Variants in BAIAP2L1 observed in about 807,000 individuals in gnomAD.
The protein encoded by BAIAP2L1 is BAR/IMD domain-containing adapter protein 2-like 1.
BAIAP2L1 carries 35 observed loss-of-function variants against 66.3 expected under a neutral mutation model. The observed-to-expected ratio is 0.53, with a 90% CI of 0.40 to 0.70. The LOEUF (loss-of-function observed/expected upper bound fraction) is 0.70. Ranked by LOEUF, BAIAP2L1 falls within the 30% of genes least tolerant of loss-of-function variation. The pLI is 0.00. For synonymous variants in BAIAP2L1, 269 were observed against 248.7 expected (o/e 1.08, Z -0.77); for missense variants, 622 against 656.9 (o/e 0.95, Z 0.58).
At chr7:98,295,250 G>A (rs376325253) in intron 12 of BAIAP2L1, among the ~76,000 whole-genome samples, 6 of 152,184 alleles carry the variant, frequency 3.9e-5, no homozygotes, top group South Asian at 2.1e-4. Context: ...CTGTGGAGAC[G>A]GAAGGCAGTT....
chr7:98,383,151 A>G (rs973993767), intron 1 of BAIAP2L1, among the ~76,000 whole-genome samples: 2 of 151,928 alleles, frequency 1.3e-5, no homozygotes, highest in African/African-American at 2.4e-5. Context: ...CAAGAGACCA[A>G]GACTCTGTCT....
At chr7:98,308,041 G>T in intron 9 of BAIAP2L1, 145 bp from the exon 10 acceptor site, 1 of 806,784 alleles carries the variant, frequency 1.2e-6, no homozygotes, top group Non-Finnish European at 2.1e-6. Flanking sequence ...CTATTTCCTC[G>T]CTTTGATCAT....
Position 98,292,635 on chromosome 7 carries a change from C to T in BAIAP2L1, c.*886G>A, listed in dbSNP as rs1340126308. ...GCTAGGCTGAAAAACCCGCCCTTCT[C>T]CAGGCACCAGAGGTCATCCTGGCTT... On this transcript the variant is annotated 3_prime_UTR_variant, in exon 14 of 14. Coordinates refer to ENST00000005260, the MANE Select transcript of BAIAP2L1 (RefSeq NM_018842.5). 3 of 1,551,646 alleles carry T rather than the reference C, an allele frequency of 1.9e-6. No homozygotes were observed. Among genetic ancestry groups the T allele is most frequent in the Non-Finnish European group, 1.7e-6 (2 of 1,146,986 alleles).
intron 3 of BAIAP2L1, among the ~76,000 whole-genome samples, chr7:98,346,547 C>A (rs796415055): frequency 1.3e-5 from 2 of 152,064 alleles, no homozygotes; most frequent in South Asian, 2.1e-4. Flanking sequence ...ATGCAGAGGT[C>A]CTAGAATATC....
rs186293275 is a variant in BAIAP2L1 at position 98,380,633 on chromosome 7, A to G, written c.52-18201T>C. On this transcript the variant is annotated intron_variant, in intron 1 of 13. Coordinates refer to ENST00000005260, the MANE Select transcript of BAIAP2L1 (RefSeq NM_018842.5). The stretch of plus-strand genomic sequence containing the variant: ...TCGGGTGGGGACACAGAGCCAAACC[A>G]TATCACCCAGGCTGGTTTCAGACTC... 2.1e-3 allele frequency among the ~76,000 whole-genome samples: 316 copies of G among 150,688 alleles called. 2 individuals carry two copies. Among genetic ancestry groups the G allele is most frequent in the Non-Finnish European group, 3.9e-3 (266 of 67,684 alleles).
intron 1 of BAIAP2L1, among the ~76,000 whole-genome samples, chr7:98,367,107 G>A (rs1802404539): frequency 6.6e-6 from 1 of 150,908 alleles, no homozygotes; most frequent in African/African-American, 2.4e-5. Flanking sequence ...TGTCCAGGCT[G>A]GTCTGTCCAC....
In BAIAP2L1 at chr7:98,306,844, C is replaced by T. The variant is rs1254290711; in HGVS notation, c.1164-328G>A. 9.4e-5 allele frequency: 31 copies of T among 329,296 alleles called. 1 individual carries two copies. Among genetic ancestry groups the T allele is most frequent in the Non-Finnish European group, 1.4e-4 (24 of 173,792 alleles). 20.4% of individuals were successfully genotyped at this position (329,296 alleles called of 1,614,324 possible). On this transcript the variant is annotated intron_variant, in intron 10 of 13. Coordinates refer to ENST00000005260, the MANE Select transcript of BAIAP2L1 (RefSeq NM_018842.5). ...TGCCTCAGCATCCGAGTAGCTGTGA[C>T]TAGAAGTGTGCACCACCATGCCTAG...
chr7:98,335,536 C>T (rs1801599507), intron 3 of BAIAP2L1, among the ~76,000 whole-genome samples: 1 of 152,160 alleles, frequency 6.6e-6, no homozygotes, highest in South Asian at 2.1e-4. Context: ...TAAATAAGGA[C>T]CTTGATTTCA....
intron 12 of BAIAP2L1, among the ~76,000 whole-genome samples, chr7:98,298,130 G>T (rs1800266212): frequency 6.6e-6 from 1 of 152,178 alleles, no homozygotes; most frequent in Non-Finnish European, 1.5e-5. Flanking sequence ...GTCCTGGCAA[G>T]TCTCCCCTGC....
At chr7:98,300,832 A>G (rs1411733280) in intron 12 of BAIAP2L1, among the ~76,000 whole-genome samples, 1 of 152,024 alleles carries the variant, frequency 6.6e-6, no homozygotes, top group Non-Finnish European at 1.5e-5. Flanking sequence ...GCCCGACCCC[A>G]GCTCTTGAGC....
At chr7:98,342,432 T>TAA (rs759258575) in intron 3 of BAIAP2L1, among the ~76,000 whole-genome samples, 1 of 152,202 alleles carries the variant, frequency 6.6e-6, no homozygotes. Flanking sequence ...GACAAATCTA[T>TAA]AATGTAGTTT....
chr7:98,311,851 A>G (rs1354738611), intron 8 of BAIAP2L1, among the ~76,000 whole-genome samples: 2 of 152,182 alleles, frequency 1.3e-5, no homozygotes, highest in Non-Finnish European at 2.9e-5. Flanking sequence ...GGTTGCAGTG[A>G]GCCGAGATCA....
At chr7:98,311,967 T>TA in intron 8 of BAIAP2L1, 130 bp downstream of exon 8, 1 of 902,814 alleles carries the variant, frequency 1.1e-6, no homozygotes, top group Admixed American at 2.4e-5. Context: ...GGTAAGGGGA[T>TA]AGAGGTGCGA....
chr7:98,319,784 C>T (rs1801192314), intron 5 of BAIAP2L1, among the ~76,000 whole-genome samples: 1 of 152,158 alleles, frequency 6.6e-6, no homozygotes, highest in Non-Finnish European at 1.5e-5. Context: ...CTACTGACCT[C>T]AAGTGATCCG....
chr7:98,318,995 C>A (rs1801162598), intron 5 of BAIAP2L1, among the ~76,000 whole-genome samples: 1 of 151,014 alleles, frequency 6.6e-6, no homozygotes, highest in African/African-American at 2.4e-5. Context: ...TTTCTGAAGG[C>A]ATAGCAATTA....
intron 1 of BAIAP2L1, among the ~76,000 whole-genome samples, chr7:98,385,336 A>G (rs1283085636): frequency 6.6e-6 from 1 of 152,082 alleles, no homozygotes; most frequent in East Asian, 1.9e-4. Context: ...GGCCTTTGCG[A>G]TCTGAGGAAT....
Position 98,320,271 on chromosome 7 carries a change from G to A in BAIAP2L1, c.242C>T (p.Thr81Ile), listed in dbSNP as rs142665035. 5.0e-4 allele frequency: 802 copies of A among 1,609,298 alleles called. No individual in the cohort carries two copies. Among genetic ancestry groups the A allele is most frequent in the African/African-American group, 3.3e-3 (246 of 74,848 alleles). ...LGHVLIEISSTHKKLNESLDE... is the reference protein window; with the variant it reads ...LGHVLIEISSIHKKLNESLDE... ...AAGACTCTCGTTGAGTTTCTTGTGGGTACTTGAAATCTCTATGAGGACATG... is the reference window on the plus strand; with the variant it reads ...AAGACTCTCGTTGAGTTTCTTGTGGATACTTGAAATCTCTATGAGGACATG... Residue 81 changes from threonine (T) to isoleucine (I), a missense_variant, in exon 4 of 14, where the codon ACC becomes ATC. Physicochemically the swap from Thr to Ile is moderately conservative, Grantham distance 89. Transcript: ENST00000005260.
At chr7:98,324,130 G>A (rs1455359006) in intron 3 of BAIAP2L1, among the ~76,000 whole-genome samples, 1 of 152,196 alleles carries the variant, frequency 6.6e-6, no homozygotes, top group African/African-American at 2.4e-5. Context: ...TGTGCACACT[G>A]GGGCGCCTGC....
chr7:98,365,428 C>T (rs1033386445), intron 1 of BAIAP2L1, among the ~76,000 whole-genome samples: 6 of 152,106 alleles, frequency 3.9e-5, no homozygotes, highest in Non-Finnish European at 8.8e-5. Context: ...TTTGATATAT[C>T]TTAATTTCTA....
Sources: allele counts gnomAD v4.1 joint callset (sites outside exome capture counted in the v4.1 genomes callset), GRCh38; gene constraint gnomAD v4.1.1; transcripts MANE v1.5; gene names NCBI Gene and HGNC (gene_info 2026-07-23, HGNC 2026-07-21).